ST18: variants seen among roughly 807,000 people sequenced by gnomAD.
The protein encoded by ST18 is suppression of tumorigenicity 18 protein.
ST18 carries 50 observed loss-of-function variants against 110.0 expected under a neutral mutation model. The ratio of observed to expected loss-of-function variants is 0.45; its 90% confidence interval spans 0.36 to 0.58. The LOEUF (loss-of-function observed/expected upper bound fraction) is 0.58, where lower values mean the gene tolerates loss of function less well. Ranked by LOEUF, ST18 falls within the 20% of genes least tolerant of loss-of-function variation. The pLI is 0.00. For synonymous variants in ST18, 461 were observed against 452.4 expected, an observed-to-expected ratio of 1.02 and a Z score of -0.24; for missense variants, 1,306 against 1,280.1, an observed-to-expected ratio of 1.02 and a Z score of -0.31.
At chr8:52,202,284 G>C (rs906196319) in intron 8 of ST18, among the ~76,000 whole-genome samples, 11 of 116,296 alleles carry the variant, frequency 9.5e-5, no homozygotes, top group Middle Eastern at 3.7e-3. Context: ...AAAACAAACA[G>C]GGGTAGATAA....
intron 9 of ST18, among the ~76,000 whole-genome samples, chr8:52,179,123 T>C (rs2068281383): frequency 6.6e-6 from 1 of 152,196 alleles, no homozygotes; most frequent in Admixed American, 6.5e-5. Flanking sequence ...TCATGTTTAG[T>C]AGAATATACA....
At chr8:52,404,260 G>A (rs961666226) in intron 2 of ST18, 4 of 152,166 alleles carry the variant, frequency 2.6e-5, no homozygotes, top group African/African-American at 9.7e-5. Flanking sequence ...AATATTATAA[G>A]AGCATTGTCA....
At chr8:52,163,249 G>T (rs2061920539) in intron 13 of ST18, among the ~76,000 whole-genome samples, 1 of 152,088 alleles carries the variant, frequency 6.6e-6, no homozygotes, top group Non-Finnish European at 1.5e-5. Flanking sequence ...AAATATTAAG[G>T]GAAGCCGTAT....
Position 52,172,429 on chromosome 8 carries a change from A to G in ST18, c.432T>C (p.Thr144=). 6 of 1,613,966 alleles carry G rather than the reference A, an allele frequency of 3.7e-6. No homozygotes were observed. Among genetic ancestry groups the G allele is most frequent in the African/African-American group, 1.3e-5 (1 of 75,048 alleles). The change falls in exon 10 of 26, where the codon ACT becomes ACC. Residue 144 remains threonine (T), a synonymous_variant. Transcript: ENST00000689386. ...GKFEKNVSVQ[T]VSENLNDSGI... ...CACTGTCATTTAAATTTTCACTTAC[A>G]GTCTGAACAGATACATTTTTTTCAA...
intron 2 of ST18, among the ~76,000 whole-genome samples, chr8:52,340,668 C>T (rs1164102838): frequency 1.3e-5 from 2 of 152,200 alleles, no homozygotes; most frequent in African/African-American, 4.8e-5. Flanking sequence ...TATCTGTCCC[C>T]TTGCCACTCA....
chr8:52,337,131 T>C (rs780735460), intron 2 of ST18, among the ~76,000 whole-genome samples: 1 of 152,208 alleles, frequency 6.6e-6, no homozygotes, highest in African/African-American at 2.4e-5. Flanking sequence ...AGATCTTTCA[T>C]AGACCAAGTA....
At chr8:52,321,727 A>G (rs913618544) in intron 2 of ST18, among the ~76,000 whole-genome samples, 3 of 152,206 alleles carry the variant, frequency 2.0e-5, no homozygotes. Flanking sequence ...CAAACAAATA[A>G]AGTTTTTAAG....
intron 2 of ST18, among the ~76,000 whole-genome samples, chr8:52,317,549 A>G (rs1420807795): frequency 6.6e-6 from 1 of 152,234 alleles, no homozygotes; most frequent in African/African-American, 2.4e-5. Context: ...TTGTTAAATC[A>G]GCCCTAGGAA....
intron 19 of ST18, 93 bp from the exon 20 acceptor site, chr8:52,133,394 T>C: frequency 6.9e-7 from 1 of 1,447,172 alleles, no homozygotes; most frequent in Non-Finnish European, 9.7e-7. Flanking sequence ...AGTAATCACA[T>C]TAATGTTCCA....
chr8:52,128,216 G>C (rs944373361), intron 22 of ST18, among the ~76,000 whole-genome samples: 1 of 152,156 alleles, frequency 6.6e-6, no homozygotes, highest in Non-Finnish European at 1.5e-5. Context: ...TGATCTGCCC[G>C]CCTTGGCCTC....
chr8:52,337,458 A>G (rs970095717), intron 2 of ST18, among the ~76,000 whole-genome samples: 1 of 152,236 alleles, frequency 6.6e-6, no homozygotes, highest in Non-Finnish European at 1.5e-5. Context: ...GAAATGAGCC[A>G]AAGTCACTCT....
intron 2 of ST18, among the ~76,000 whole-genome samples, chr8:52,375,512 A>T (rs1156809212): frequency 6.6e-6 from 1 of 152,070 alleles, no homozygotes; most frequent in Non-Finnish European, 1.5e-5. Flanking sequence ...TCAGGACAAC[A>T]CACTCTGTTG....
chr8:52,155,201 C>CAAA (rs3030253), intron 15 of ST18, among the ~76,000 whole-genome samples: 48 of 133,216 alleles, frequency 3.6e-4, no homozygotes, highest in African/African-American at 1.1e-3. Context: ...GACTCTGTCT[C>CAAA]AAAAAAAAAA....
chr8:52,352,922 G>A (rs568078195), intron 2 of ST18, among the ~76,000 whole-genome samples: 1 of 152,272 alleles, frequency 6.6e-6, no homozygotes, highest in East Asian at 1.9e-4. Flanking sequence ...TTTTATGGAA[G>A]GGTCAAACTG....
chr8:52,166,866 C>A lies in ST18; in HGVS notation c.1190G>T (p.Arg397Leu). Residue 397 changes from arginine to leucine, a missense_variant, in exon 11 of 26, where the codon CGG becomes CTG. Coordinates refer to ENST00000689386, the MANE Select transcript of ST18 (RefSeq NM_001352837.2). ...GTGGTACTCACTTTCCAGGGGAACC[C>A]GCACTTTGTGGGGGCACCCCGAAAG... is the stretch of plus-strand genomic sequence containing the variant. ...RSLSGCPHKV[R>L]VPLEILAMHE... 1 of 1,589,364 alleles carries A rather than the reference C, an allele frequency of 6.3e-7. No homozygotes were observed. Among genetic ancestry groups the A allele is most frequent in the Non-Finnish European group, 8.6e-7 (1 of 1,162,122 alleles).
At chr8:52,362,818 C>T (rs1170915753) in intron 2 of ST18, among the ~76,000 whole-genome samples, 1 of 152,132 alleles carries the variant, frequency 6.6e-6, no homozygotes, top group Non-Finnish European at 1.5e-5. Context: ...ACACTTAATG[C>T]CTTTGGTACC....
intron 4 of ST18, among the ~76,000 whole-genome samples, chr8:52,221,378 T>C (rs997556330): frequency 6.6e-6 from 1 of 152,216 alleles, no homozygotes; most frequent in Non-Finnish European, 1.5e-5. Flanking sequence ...TTTTAAGTTG[T>C]CGTCCAATGA....
intron 2 of ST18, among the ~76,000 whole-genome samples, chr8:52,242,259 T>A (rs752268558): frequency 6.6e-6 from 1 of 152,208 alleles, no homozygotes; most frequent in African/African-American, 2.4e-5. Flanking sequence ...TCTTTTCAAA[T>A]ATATTTTAAA....
At chr8:52,251,789 T>C (rs188902489) in intron 2 of ST18, among the ~76,000 whole-genome samples, 4 of 152,236 alleles carry the variant, frequency 2.6e-5, no homozygotes, top group Admixed American at 2.6e-4. Context: ...TCTGAAGCCT[T>C]GTTGAATTCA....
Sources: allele counts gnomAD v4.1 joint callset (sites outside exome capture counted in the v4.1 genomes callset), GRCh38; gene constraint gnomAD v4.1.1; transcripts MANE v1.5; gene names NCBI Gene and HGNC (gene_info 2026-07-23, HGNC 2026-07-21).